Variants in HSDL2 observed in about 807,000 individuals in gnomAD.
HSDL2 encodes the protein hydroxysteroid dehydrogenase like 2, also known as hydroxysteroid dehydrogenase-like protein 2.
Under a neutral mutation model 46.3 loss-of-function variants are expected in HSDL2, and 27 were observed. The observed-to-expected ratio is 0.58, with a 90% confidence interval of 0.43 to 0.80. HSDL2 has a LOEUF of 0.80. HSDL2 is among the 30% of genes least tolerant of loss of function. The pLI is 0.00. For synonymous variants in HSDL2, 153 were observed against 163.6 expected, an observed-to-expected ratio of 0.94 and a Z score of 0.50; for missense variants, 451 against 502.7, an observed-to-expected ratio of 0.90 and a Z score of 0.98.
At chr9:112,454,307 G>C in intron 9 of HSDL2, 145 bp downstream of exon 9, 1 of 605,522 alleles carries the variant, frequency 1.7e-6, no homozygotes, top group African/African-American at 1.9e-5. Flanking sequence ...TTCAAGAACA[G>C]CAACCATAAC....
chr9:112,396,202 G>T (rs929238542), intron 1 of HSDL2, among the ~76,000 whole-genome samples: 6 of 152,168 alleles, frequency 3.9e-5, no homozygotes, highest in Non-Finnish European at 8.8e-5. Flanking sequence ...ATATGAGGCT[G>T]AATTGTACCC....
chr9:112,385,954 A>T (rs1004166410), intron 1 of HSDL2, among the ~76,000 whole-genome samples: 3 of 149,142 alleles, frequency 2.0e-5, no homozygotes, highest in African/African-American at 7.4e-5. Flanking sequence ...TTTTTTTTTT[A>T]AATAGTAACA....
intron 1 of HSDL2, among the ~76,000 whole-genome samples, chr9:112,386,273 C>T (rs1791312289): frequency 6.6e-6 from 1 of 152,088 alleles, no homozygotes; most frequent in Non-Finnish European, 1.5e-5. Flanking sequence ...TTCAGACCTT[C>T]CATCTGGAAA....
At chr9:112,401,848 T>G (rs1402812649) in intron 1 of HSDL2, among the ~76,000 whole-genome samples, 1 of 152,198 alleles carries the variant, frequency 6.6e-6, no homozygotes, top group Non-Finnish European at 1.5e-5. Flanking sequence ...ACACATTGTT[T>G]TACATGCTTT....
chr9:112,414,764 A>C (rs1233191657), intron 4 of HSDL2, among the ~76,000 whole-genome samples: 9 of 152,012 alleles, frequency 5.9e-5, no homozygotes, highest in Admixed American at 5.9e-4. Flanking sequence ...ACCTCACCTC[A>C]CCTCCATAAA....
At chr9:112,416,320 T>C (rs1314835532) in intron 4 of HSDL2, among the ~76,000 whole-genome samples, 3 of 151,446 alleles carry the variant, frequency 2.0e-5, no homozygotes, top group Non-Finnish European at 4.4e-5. Context: ...TCCCAGCTAC[T>C]CAGGAGGCTG....
At chr9:112,426,918 G>A (rs1468577907) in intron 6 of HSDL2, among the ~76,000 whole-genome samples, 2 of 152,092 alleles carry the variant, frequency 1.3e-5, no homozygotes, top group Admixed American at 1.3e-4. Context: ...AGGGAGAGTA[G>A]TACATCACGT....
intron 1 of HSDL2, among the ~76,000 whole-genome samples, chr9:112,385,962 A>G (rs527495792): frequency 5.1e-4 from 77 of 151,678 alleles, no homozygotes; most frequent in African/African-American, 1.7e-3. Context: ...TTAAATAGTA[A>G]CATGGTCTTG....
intron 1 of HSDL2, among the ~76,000 whole-genome samples, chr9:112,400,665 A>G (rs1262129177): frequency 6.6e-6 from 1 of 152,204 alleles, no homozygotes; most frequent in Admixed American, 6.5e-5. Flanking sequence ...GGATGCTCTC[A>G]CTGTTCTGTA....
chr9:112,396,702 C>T (rs142445505), intron 1 of HSDL2, among the ~76,000 whole-genome samples: 12 of 152,202 alleles, frequency 7.9e-5, no homozygotes, highest in Admixed American at 7.2e-4. Context: ...GGGCCAGAAC[C>T]TTGAGGTAAA....
intron 1 of HSDL2, among the ~76,000 whole-genome samples, chr9:112,399,354 C>T (rs1831535674): frequency 1.3e-5 from 2 of 152,134 alleles, no homozygotes; most frequent in South Asian, 4.1e-4. Context: ...AGCAGAACTA[C>T]TAATAAGGGT....
chr9:112,402,790 C>T (rs770070037), intron 1 of HSDL2, among the ~76,000 whole-genome samples: 8 of 151,166 alleles, frequency 5.3e-5, no homozygotes, highest in Non-Finnish European at 1.2e-4. Context: ...GCGTGGTGGC[C>T]CACGCCTGTA....
intron 1 of HSDL2, among the ~76,000 whole-genome samples, chr9:112,385,994 C>G (rs1831210203): frequency 6.6e-6 from 1 of 151,422 alleles, no homozygotes; most frequent in Non-Finnish European, 1.5e-5. Flanking sequence ...AGGCTGGTCT[C>G]AAACTTGGGC....
At chr9:112,422,826 T>C (rs1832154837) in intron 6 of HSDL2, among the ~76,000 whole-genome samples, 1 of 152,140 alleles carries the variant, frequency 6.6e-6, no homozygotes, top group African/African-American at 2.4e-5. Context: ...ATTTCAAGGA[T>C]AAAAAAATCT....
chr9:112,441,713 C>T lies in HSDL2; in HGVS notation c.808C>T (p.Pro270Ser). The T allele has an allele frequency of 6.2e-7, 1 of 1,612,552 alleles. No individual in the cohort carries two copies. Among genetic ancestry groups the T allele is most frequent in the Non-Finnish European group, 8.5e-7 (1 of 1,178,866 alleles). ...YAIKPGHPLQ[P>S]DFFLDEYPEA... Reference sequence around the variant, plus strand: ...CAATTTTTCAGGTCATCCTTTGCAACCAGATTTCTTCTTAGATGAATACCC... The same window carrying T: ...CAATTTTTCAGGTCATCCTTTGCAATCAGATTTCTTCTTAGATGAATACCC... The change falls in exon 8 of 11, where the codon CCA becomes TCA. Residue 270 changes from proline (P) to serine (S), a missense_variant. Coordinates refer to ENST00000398805, the MANE Select transcript of HSDL2 (RefSeq NM_032303.5).
chr9:112,421,926 T>C (rs116319606), intron 6 of HSDL2, among the ~76,000 whole-genome samples: 2,229 of 152,250 alleles, frequency 0.015, 45 homozygotes, highest in African/African-American at 0.051. Flanking sequence ...TGAAAGACTG[T>C]TCTCTCTGAG....
chr9:112,429,431 C>A (rs1832333720), intron 6 of HSDL2, among the ~76,000 whole-genome samples: 1 of 152,184 alleles, frequency 6.6e-6, no homozygotes, highest in Non-Finnish European at 1.5e-5. Flanking sequence ...TTTGTCCTCC[C>A]CTCTGCCCTT....
intron 6 of HSDL2, among the ~76,000 whole-genome samples, chr9:112,430,573 G>C (rs137892331): frequency 7.9e-5 from 12 of 152,152 alleles, no homozygotes; most frequent in East Asian, 5.8e-4. Context: ...AGGGGCAAAG[G>C]GGGGAACAGT....
At chr9:112,406,427 C>T (rs1831732167) in intron 3 of HSDL2, among the ~76,000 whole-genome samples, 1 of 152,092 alleles carries the variant, frequency 6.6e-6, no homozygotes, top group Non-Finnish European at 1.5e-5. Context: ...TCAGTTCCCT[C>T]ACCATGCCAA....
Sources: gnomAD v4.1 joint callset for allele counts (sites outside exome capture counted in the v4.1 genomes callset) on GRCh38, gnomAD v4.1.1 for gene constraint, MANE v1.5 for transcripts, NCBI Gene and HGNC (gene_info 2026-07-23, HGNC 2026-07-21) for gene names.